ARHGAP20: variants seen among roughly 807,000 people sequenced by gnomAD.
ARHGAP20 encodes Rho GTPase activating protein 20.
ARHGAP20 carries 34 observed loss-of-function variants against 73.7 expected under a neutral mutation model. The observed-to-expected ratio is 0.46, with a 90% confidence interval of 0.35 to 0.61. ARHGAP20 has a LOEUF of 0.61. ARHGAP20 is among the 20% of genes least tolerant of loss of function. ARHGAP20 has a pLI of 0.00. For synonymous variants in ARHGAP20, 523 were observed against 518.2 expected (o/e 1.01, Z -0.13); for missense variants, 1,314 against 1,420.9 (o/e 0.92, Z 1.21).
chr11:110,665,797 A>G (rs1949711996), intron 2 of ARHGAP20, among the ~76,000 whole-genome samples: 1 of 152,200 alleles, frequency 6.6e-6, no homozygotes, highest in Non-Finnish European at 1.5e-5. Flanking sequence ...CAGGTAGGAC[A>G]ATACTCTAAA....
At chr11:110,671,358 T>G (rs1442391694) in intron 2 of ARHGAP20, among the ~76,000 whole-genome samples, 1 of 152,086 alleles carries the variant, frequency 6.6e-6, no homozygotes, top group African/African-American at 2.4e-5. Context: ...CTCCACTTTA[T>G]AAAGAACACC....
At chr11:110,585,449 T>TGGTGA (rs1262150750) in intron 12 of ARHGAP20, among the ~76,000 whole-genome samples, 1 of 151,384 alleles carries the variant, frequency 6.6e-6, no homozygotes, top group East Asian at 1.9e-4. Flanking sequence ...TATGTTCTAC[T>TGGTGA]GGTGAAAGTT....
intron 4 of ARHGAP20, among the ~76,000 whole-genome samples, chr11:110,618,100 G>GC (rs1032333944): frequency 3.9e-5 from 6 of 151,934 alleles, no homozygotes; most frequent in African/African-American, 1.2e-4. Context: ...CCCACCCCCT[G>GC]CCCCCCTTTA....
chr11:110,607,338 T>G (rs1948257567), intron 8 of ARHGAP20, among the ~76,000 whole-genome samples: 1 of 152,150 alleles, frequency 6.6e-6, no homozygotes. Context: ...CTGAGATTGA[T>G]GTTCAGAGGC....
intron 12 of ARHGAP20, among the ~76,000 whole-genome samples, chr11:110,585,111 GAA>G (rs1491133782): frequency 6.7e-6 from 1 of 150,018 alleles, no homozygotes; most frequent in African/African-American, 2.4e-5. Flanking sequence ...GAATATATGT[GAA>G]TATATATGAA....
intron 2 of ARHGAP20, among the ~76,000 whole-genome samples, chr11:110,660,061 C>CAAAAAAAAAAAAACAAAAAA (rs1949567363): frequency 1.4e-5 from 1 of 69,250 alleles, no homozygotes; most frequent in African/African-American, 4.7e-5. Context: ...TAATAAAAAA[C>CAAAAAAAAAAAAACAAAAAA]AAAAAAAAAA....
At chr11:110,616,771 T>C (rs1948493933) in intron 4 of ARHGAP20, among the ~76,000 whole-genome samples, 1 of 151,886 alleles carries the variant, frequency 6.6e-6, no homozygotes, top group Non-Finnish European at 1.5e-5. Context: ...TTTTCTAAAA[T>C]AGATTTTCTA....
At chr11:110,599,301 A>G (rs1188241736) in intron 9 of ARHGAP20, among the ~76,000 whole-genome samples, 1 of 152,222 alleles carries the variant, frequency 6.6e-6, no homozygotes, top group East Asian at 1.9e-4. Context: ...ATCATGGTGC[A>G]AAGTTGGGTG....
chr11:110,596,642 C>G (rs1947969867), intron 9 of ARHGAP20, among the ~76,000 whole-genome samples: 1 of 152,128 alleles, frequency 6.6e-6, no homozygotes, highest in African/African-American at 2.4e-5. Context: ...CAGGAAACAA[C>G]AGGTGCTGGA....
chr11:110,634,930 A>G (rs1038509159), intron 2 of ARHGAP20, among the ~76,000 whole-genome samples: 1 of 129,580 alleles, frequency 7.7e-6, no homozygotes, highest in Non-Finnish European at 1.6e-5. Context: ...CATAATAATG[A>G]CAATGAGAAC....
chr11:110,708,351 T>C (rs1950586698), intron 1 of ARHGAP20, among the ~76,000 whole-genome samples: 1 of 152,142 alleles, frequency 6.6e-6, no homozygotes, highest in African/African-American at 2.4e-5. Context: ...CTTAAAAAGT[T>C]CAATATATAC....
chr11:110,613,511 CA>C (rs1948415055), intron 6 of ARHGAP20, among the ~76,000 whole-genome samples: 1 of 152,108 alleles, frequency 6.6e-6, no homozygotes, highest in Non-Finnish European at 1.5e-5. Flanking sequence ...TCCAAAATGA[CA>C]GTGGGACATC....
At chr11:110,611,558 C>A (rs543818038) in intron 6 of ARHGAP20, among the ~76,000 whole-genome samples, 172 bp from the exon 7 acceptor site, 1 of 152,198 alleles carries the variant, frequency 6.6e-6, no homozygotes, top group South Asian at 2.1e-4. Context: ...TGCTTTCATT[C>A]CCTTATAAAT....
At chr11:110,619,503 T>TAGTGATAGGGTATATGC (rs1565442000) in intron 4 of ARHGAP20, among the ~76,000 whole-genome samples, 13 of 149,336 alleles carry the variant, frequency 8.7e-5, no homozygotes, top group African/African-American at 2.2e-4. Context: ...AGAGTATATG[T>TAGTGATAGGGTATATGC]AGTGATAGGG....
At chr11:110,707,170 C>T (rs769126738) in intron 1 of ARHGAP20, among the ~76,000 whole-genome samples, 2 of 152,076 alleles carry the variant, frequency 1.3e-5, no homozygotes, top group African/African-American at 2.4e-5. Flanking sequence ...GCTTTCTGGG[C>T]CTATAAGTCT....
intron 2 of ARHGAP20, among the ~76,000 whole-genome samples, chr11:110,659,515 G>C (rs1378648420): frequency 2.6e-5 from 4 of 151,800 alleles, no homozygotes; most frequent in African/African-American, 4.8e-5. Flanking sequence ...TAGGTTGCCT[G>C]TTCACTCTGA....
At chr11:110,627,568 T>C (rs1312521426) in intron 3 of ARHGAP20, among the ~76,000 whole-genome samples, 2 of 152,214 alleles carry the variant, frequency 1.3e-5, no homozygotes, top group Admixed American at 1.3e-4. Flanking sequence ...TTATTAAACA[T>C]GTTTTGGGGT....
intron 1 of ARHGAP20, among the ~76,000 whole-genome samples, chr11:110,699,023 C>A (rs1033226834): frequency 1.3e-5 from 2 of 151,720 alleles, no homozygotes; most frequent in Admixed American, 1.3e-4. Flanking sequence ...AATTTAAGAT[C>A]TTTCTATCTT....
intron 1 of ARHGAP20, among the ~76,000 whole-genome samples, chr11:110,700,402 C>T (rs193011476): frequency 6.6e-6 from 1 of 151,420 alleles, no homozygotes; most frequent in African/African-American, 2.4e-5. Context: ...CTTATTCAAA[C>T]TTGACTATTA....
Sources: gnomAD v4.1 joint callset for allele counts (sites outside exome capture counted in the v4.1 genomes callset) on GRCh38, gnomAD v4.1.1 for gene constraint, MANE v1.5 for transcripts, NCBI Gene and HGNC (gene_info 2026-07-23, HGNC 2026-07-21) for gene names.